RIMS2: variants seen among roughly 807,000 people sequenced by gnomAD.
The protein encoded by RIMS2 is regulating synaptic membrane exocytosis protein 2.
In RIMS2, 59 loss-of-function variants were observed where a neutral mutation model predicts 174.4. The observed-to-expected ratio is 0.34, with a 90% CI of 0.27 to 0.42. The LOEUF (loss-of-function observed/expected upper bound fraction) is 0.42, where lower values mean the gene tolerates loss of function less well. RIMS2 is among the 10% of genes least tolerant of loss of function. The probability of loss-of-function intolerance (pLI) is 1.00; values close to 1 mark genes in which losing one functional copy is unlikely to be tolerated. For missense variants in RIMS2, 1,620 were observed against 1,666.3 expected, an observed-to-expected ratio of 0.97 and a Z score of 0.48; for synonymous variants, 606 against 572.5, an observed-to-expected ratio of 1.06 and a Z score of -0.84.
intron 2 of RIMS2, among the ~76,000 whole-genome samples, chr8:103,746,901 C>T (rs181432915): frequency 2.9e-4 from 44 of 151,936 alleles, no homozygotes; most frequent in Non-Finnish European, 5.2e-4. Context: ...AGGTTGGTCT[C>T]GATGTCCTGA....
chr8:103,766,639 A>G (rs2098174850), intron 3 of RIMS2, 102 bp downstream of exon 6: 1 of 739,824 alleles, frequency 1.4e-6, no homozygotes, highest in Non-Finnish European at 2.2e-6. Context: ...TGAGTTGTCT[A>G]AGTAATGTAA....
intron 20 of RIMS2, among the ~76,000 whole-genome samples, chr8:104,247,579 G>A (rs2099343174): frequency 6.6e-6 from 1 of 152,176 alleles, no homozygotes; most frequent in Non-Finnish European, 1.5e-5. Flanking sequence ...ATAACAGAGA[G>A]GAAGGAAGAA....
intron 19 of RIMS2, among the ~76,000 whole-genome samples, chr8:104,188,059 A>G (rs867656879): frequency 6.6e-6 from 1 of 151,784 alleles, no homozygotes; most frequent in Non-Finnish European, 1.5e-5. Context: ...AATCACATAT[A>G]ATAGTATTTA....
At chr8:104,027,316 T>C (rs1045428481) in intron 19 of RIMS2, among the ~76,000 whole-genome samples, 1 of 152,214 alleles carries the variant, frequency 6.6e-6, no homozygotes, top group Non-Finnish European at 1.5e-5. Flanking sequence ...ATTTCTAATT[T>C]CTTTTCCTAA....
At chr8:103,711,595 A>G (rs2097304419) in intron 2 of RIMS2, among the ~76,000 whole-genome samples, 1 of 152,130 alleles carries the variant, frequency 6.6e-6, no homozygotes, top group Non-Finnish European at 1.5e-5. Context: ...CAGCTCCAAG[A>G]TTTGATGAAA....
At chr8:103,961,189 T>C (rs1186535551) in intron 15 of RIMS2, 56 bp downstream of exon 17, 1 of 827,002 alleles carries the variant, frequency 1.2e-6, no homozygotes, top group African/African-American at 1.7e-5. Flanking sequence ...TTCATCATCA[T>C]TTACCATAAA....
rs1331229411 is a variant in RIMS2, at chr8:103,974,350, C to T, written c.2771-1000C>T. On this transcript the variant is annotated intron_variant, in intron 15 of 23. Coordinates refer to ENST00000504942, the Ensembl canonical transcript of RIMS2. The stretch of plus-strand genomic sequence containing the variant: ...AAAGTGCATAGCAGAGTTCCTAGCA[C>T]GTAGTAAAAGGTCAATTACTAATAG... Among the ~76,000 whole-genome samples, 9 of 152,102 alleles carry T rather than the reference C, an allele frequency of 5.9e-5. 1 individual carries two copies. The highest frequency in any genetic ancestry group is 4.6e-4 in the Admixed American group (7 of 15,288).
At chr8:103,635,694 C>A (rs1219847143) in intron 1 of RIMS2, among the ~76,000 whole-genome samples, 1 of 152,184 alleles carries the variant, frequency 6.6e-6, no homozygotes, top group Non-Finnish European at 1.5e-5. Flanking sequence ...TGAGGAGGAG[C>A]AGGATCAGTA....
At chr8:103,680,233 A>G (rs1176763935) in intron 1 of RIMS2, among the ~76,000 whole-genome samples, 1 of 152,094 alleles carries the variant, frequency 6.6e-6, no homozygotes, top group Non-Finnish European at 1.5e-5. Flanking sequence ...CTATGTATAT[A>G]TGGGAACTTA....
At chr8:104,147,893 T>A (rs2098655446) in intron 19 of RIMS2, among the ~76,000 whole-genome samples, 1 of 152,210 alleles carries the variant, frequency 6.6e-6, no homozygotes, top group Non-Finnish European at 1.5e-5. Context: ...CTCACATGCC[T>A]CAGTGATTCA....
At chr8:103,758,063 T>C (rs1311247656) in intron 2 of RIMS2, among the ~76,000 whole-genome samples, 2 of 152,198 alleles carry the variant, frequency 1.3e-5, no homozygotes, top group Non-Finnish European at 2.9e-5. Context: ...ATTTGAGTCA[T>C]GGAAGTTTCC....
Position 103,942,765 on chromosome 8 carries a change from G to C in RIMS2, c.2548-8G>C, listed in dbSNP as rs756396459. ...ATTATAACCGTCCTTTGTCTCTTGG[G>C]TTTGTAGATTTTAATTGAATTAGAA... On this transcript the variant is annotated splice_region_variant and splice_polypyrimidine_tract_variant and intron_variant, in intron 13 of 23. Transcript: ENST00000504942. 9.4e-6 allele frequency: 15 copies of C among 1,603,852 alleles called. No individual in the cohort carries two copies. In the African/African-American group the frequency reaches 1.7e-4, roughly 19 times the overall value.
At chr8:103,631,046 A>C (rs1450587430) in intron 1 of RIMS2, among the ~76,000 whole-genome samples, 1 of 152,170 alleles carries the variant, frequency 6.6e-6, no homozygotes, top group Non-Finnish European at 1.5e-5. Flanking sequence ...ATAGTTCACA[A>C]ATATTTTCTC....
intron 1 of RIMS2, among the ~76,000 whole-genome samples, chr8:103,582,330 T>C (rs1214422850): frequency 6.6e-6 from 1 of 152,170 alleles, no homozygotes; most frequent in African/African-American, 2.4e-5. Context: ...TGAGACTTGC[T>C]GGCATCAGAT....
intron 14 of RIMS2, among the ~76,000 whole-genome samples, chr8:103,958,219 G>C (rs991864064): frequency 1.3e-5 from 2 of 152,092 alleles, no homozygotes; most frequent in African/African-American, 4.8e-5. Context: ...ATACTATGAC[G>C]CCATAAAAAA....
At chr8:103,637,672 G>A (rs1225998204) in intron 1 of RIMS2, among the ~76,000 whole-genome samples, 3 of 152,072 alleles carry the variant, frequency 2.0e-5, no homozygotes, top group African/African-American at 7.2e-5. Context: ...CTAGGTTTCT[G>A]CAGTCAACAA....
intron 3 of RIMS2, among the ~76,000 whole-genome samples, chr8:103,796,980 G>A (rs2098554060): frequency 6.6e-6 from 1 of 151,970 alleles, no homozygotes; most frequent in Admixed American, 6.6e-5. Context: ...GGAGGGAAAG[G>A]GATTTTTTGT....
rs544579685 is a variant in RIMS2, at chr8:103,968,514, C to T, written c.2771-6836C>T. Among the ~76,000 whole-genome samples, 11 of 146,604 alleles carry T rather than the reference C, an allele frequency of 7.5e-5. No individual in the cohort carries two copies. In the East Asian group the frequency reaches 2.0e-3, roughly 26 times the overall value. On this transcript the variant is annotated intron_variant, in intron 15 of 23. Transcript: ENST00000504942. ...ATATCAGTTATACTTCTTTTTCTTA[C>T]CTTTTTTTTTGGGTAGGTACTCTAG...
intron 1 of RIMS2, among the ~76,000 whole-genome samples, chr8:103,658,614 A>G (rs1051376428): frequency 1.3e-5 from 2 of 152,192 alleles, no homozygotes; most frequent in African/African-American, 2.4e-5. Flanking sequence ...GAAGATTTTC[A>G]AGCCCAGGGA....
Sources: gnomAD v4.1 joint callset for allele counts (sites outside exome capture counted in the v4.1 genomes callset) on GRCh38, gnomAD v4.1.1 for gene constraint, MANE v1.5 for transcripts, NCBI Gene and HGNC (gene_info 2026-07-23, HGNC 2026-07-21) for gene names.